Variants in ARHGAP24 observed in about 807,000 individuals in gnomAD.
ARHGAP24 encodes Rho GTPase activating protein 24.
Under a neutral mutation model 76.4 loss-of-function variants are expected in ARHGAP24, and 50 were observed. The observed-to-expected ratio is 0.65, with a 90% confidence interval of 0.52 to 0.83. The LOEUF is 0.83. Ranked by LOEUF, ARHGAP24 falls within the 40% of genes least tolerant of loss-of-function variation. ARHGAP24 has a pLI of 0.00. For synonymous variants in ARHGAP24, 345 were observed against 323.3 expected, an observed-to-expected ratio of 1.07 and a Z score of -0.72; for missense variants, 930 against 914.2, an observed-to-expected ratio of 1.02 and a Z score of -0.22.
At chr4:85,918,334 A>G (rs541134055) in intron 3 of ARHGAP24, among the ~76,000 whole-genome samples, 6 of 152,068 alleles carry the variant, frequency 3.9e-5, no homozygotes, top group Admixed American at 2.0e-4. Context: ...CTGCATCATA[A>G]GGAATATTAT....
intron 1 of ARHGAP24, among the ~76,000 whole-genome samples, chr4:85,531,946 C>T (rs1196597872): frequency 1.3e-5 from 2 of 152,038 alleles, no homozygotes; most frequent in African/African-American, 2.4e-5. Flanking sequence ...TAGTAGAGTC[C>T]TCAGACTTAC....
At chr4:85,917,304 G>A (rs531770316) in intron 3 of ARHGAP24, among the ~76,000 whole-genome samples, 1 of 152,010 alleles carries the variant, frequency 6.6e-6, no homozygotes, top group Non-Finnish European at 1.5e-5. Context: ...TCTTAATCCA[G>A]TCTATCATTG....
chr4:85,512,590 G>C (rs1253095544), intron 1 of ARHGAP24, among the ~76,000 whole-genome samples: 1 of 152,174 alleles, frequency 6.6e-6, no homozygotes, highest in African/African-American at 2.4e-5. Context: ...CAGGTCTTTT[G>C]GGATTGTTTG....
intron 1 of ARHGAP24, among the ~76,000 whole-genome samples, chr4:85,476,903 G>A (rs1005749287): frequency 2.0e-5 from 3 of 152,342 alleles, no homozygotes; most frequent in African/African-American, 4.8e-5. Flanking sequence ...AGAGAGCTCA[G>A]TAATAAAAGT....
chr4:85,483,198 A>G (rs1722883284), intron 1 of ARHGAP24, among the ~76,000 whole-genome samples: 1 of 152,220 alleles, frequency 6.6e-6, no homozygotes, highest in Non-Finnish European at 1.5e-5. Context: ...GGGAATCCTG[A>G]GCAGTATTTT....
intron 2 of ARHGAP24, among the ~76,000 whole-genome samples, chr4:85,668,829 ACT>A (rs1430252804): frequency 6.6e-6 from 1 of 152,146 alleles, no homozygotes. Flanking sequence ...TTGGATATGT[ACT>A]TTAGAGGGAT....
intron 1 of ARHGAP24, among the ~76,000 whole-genome samples, chr4:85,521,379 G>A (rs1338939331): frequency 3.4e-5 from 3 of 88,568 alleles, no homozygotes; most frequent in Non-Finnish European, 5.3e-5. Flanking sequence ...GCAAGGTGCT[G>A]CCAGATGATC....
At chr4:85,499,952 A>G (rs1454253495) in intron 1 of ARHGAP24, among the ~76,000 whole-genome samples, 1 of 152,224 alleles carries the variant, frequency 6.6e-6, no homozygotes, top group African/African-American at 2.4e-5. Flanking sequence ...CTGGAGATCT[A>G]CTTTTTAAAC....
chr4:85,875,656 A>T (rs1182404211), intron 3 of ARHGAP24, among the ~76,000 whole-genome samples: 2 of 126,594 alleles, frequency 1.6e-5, no homozygotes, highest in Admixed American at 2.0e-4. Context: ...TATATTATAT[A>T]TAATATAACA....
At chr4:85,730,986 G>GCACACACACA (rs200255967) in intron 3 of ARHGAP24, among the ~76,000 whole-genome samples, 8 of 133,820 alleles carry the variant, frequency 6.0e-5, no homozygotes, top group African/African-American at 2.2e-4. Flanking sequence ...TAATATAACT[G>GCACACACACA]CACACACACA....
At chr4:85,737,853 C>T (rs1475016298) in intron 3 of ARHGAP24, among the ~76,000 whole-genome samples, 1 of 152,284 alleles carries the variant, frequency 6.6e-6, no homozygotes, top group East Asian at 1.9e-4. Context: ...TTCTACTTAG[C>T]TGTCTTTCCA....
chr4:85,950,324 C>G (rs1737536527), intron 5 of ARHGAP24, among the ~76,000 whole-genome samples: 1 of 96,484 alleles, frequency 1.0e-5, no homozygotes, highest in Non-Finnish European at 2.1e-5. Flanking sequence ...GAGACTGTCT[C>G]TACAAAAAAA....
chr4:85,560,642 A>G (rs775806905), intron 1 of ARHGAP24, among the ~76,000 whole-genome samples: 9 of 152,126 alleles, frequency 5.9e-5, no homozygotes, highest in Non-Finnish European at 1.2e-4. Context: ...TTTTGACTTT[A>G]TATTCGTGGC....
chr4:85,915,457 C>T (rs908901117), intron 3 of ARHGAP24, among the ~76,000 whole-genome samples: 1 of 152,150 alleles, frequency 6.6e-6, no homozygotes, highest in Non-Finnish European at 1.5e-5. Flanking sequence ...TTATGGGATA[C>T]ATGTGCGGAA....
chr4:85,695,720 TTAAC>T (rs1448508813), intron 2 of ARHGAP24, among the ~76,000 whole-genome samples: 2 of 152,202 alleles, frequency 1.3e-5, no homozygotes, highest in Non-Finnish European at 2.9e-5. Flanking sequence ...TGTTTTCAAA[TTAAC>T]TAATATGAGT....
chr4:85,490,739 T>C (rs914509155), intron 1 of ARHGAP24, among the ~76,000 whole-genome samples: 7 of 152,234 alleles, frequency 4.6e-5, no homozygotes, highest in Non-Finnish European at 8.8e-5. Flanking sequence ...TTAGCACTTT[T>C]TGTTTGTGGT....
intron 3 of ARHGAP24, among the ~76,000 whole-genome samples, chr4:85,859,504 C>T (rs771565847): frequency 2.0e-5 from 3 of 151,994 alleles, no homozygotes; most frequent in Non-Finnish European, 2.9e-5. Context: ...AGTCATCAAA[C>T]GTTTAAATAC....
At position 85,845,888 on chromosome 4, in the gene ARHGAP24, T is replaced by C. The variant is rs146798312; in HGVS notation, c.269-77760T>C. Among the ~76,000 whole-genome samples the C allele has an allele frequency of 2.3e-3, 348 of 152,220 alleles. 1 individual carries two copies. Among genetic ancestry groups the C allele is most frequent in the African/African-American group, 8.1e-3 (337 of 41,562 alleles). On this transcript the variant is annotated intron_variant, in intron 3 of 9. Transcript: ENST00000395184. The stretch of plus-strand genomic sequence containing the variant: ...AAGAGGTTGTTTAAATTTAAGAATA[T>C]AATTTTTTTTCTTTTTCTTTTTCTT...
At chr4:85,853,091 A>G (rs1446649408) in intron 3 of ARHGAP24, among the ~76,000 whole-genome samples, 2 of 152,208 alleles carry the variant, frequency 1.3e-5, no homozygotes, top group African/African-American at 2.4e-5. Context: ...GGTGGAGTCT[A>G]TAGAGGCAGC....
Sources: allele counts gnomAD v4.1 joint callset (sites outside exome capture counted in the v4.1 genomes callset), GRCh38; gene constraint gnomAD v4.1.1; transcripts MANE v1.5; gene names NCBI Gene and HGNC (gene_info 2026-07-23, HGNC 2026-07-21).